XPO4: variants seen among roughly 807,000 people sequenced by gnomAD.
XPO4 encodes the protein exportin 4.
In XPO4, 39 loss-of-function variants were observed where a neutral mutation model predicts 143.0. That is an observed-to-expected ratio of 0.27 (90% CI 0.21 to 0.36). The LOEUF (loss-of-function observed/expected upper bound fraction) is 0.36. Ranked by LOEUF, XPO4 falls within the 10% of genes least tolerant of loss-of-function variation. XPO4 has a pLI of 1.00. For missense variants in XPO4, 907 were observed against 1,348.0 expected (o/e 0.67, Z 5.12); for synonymous variants, 439 against 474.0 (o/e 0.93, Z 0.96).
chr13:20,796,106 A>ACAG lies in XPO4; in HGVS notation c.2764_2766dup (p.Leu922dup). The stretch of plus-strand genomic sequence containing the variant: ...TCACTGAAATCTATGAATTCTTTTG[A>ACAG]CAGCAGGTTAGTAAGAAGTTCCATA... On this transcript the variant is annotated inframe_insertion, in exon 18 of 23. Coordinates refer to ENST00000255305, the MANE Select transcript of XPO4 (RefSeq NM_022459.5). 6.2e-7 allele frequency: 1 copy of ACAG among 1,613,350 alleles called. No individual in the cohort carries two copies. Among genetic ancestry groups the ACAG allele is most frequent in the Non-Finnish European group, 8.5e-7 (1 of 1,179,666 alleles).
intron 16 of XPO4, among the ~76,000 whole-genome samples, chr13:20,797,721 C>A (rs937919012): frequency 3.9e-5 from 6 of 152,140 alleles, no homozygotes; most frequent in African/African-American, 1.4e-4. Context: ...GGCTGGCAAC[C>A]TACACACACT....
At chr13:20,851,526 T>G (rs1030605076) in intron 4 of XPO4, 2 of 727,112 alleles carry the variant, frequency 2.8e-6, no homozygotes, top group Admixed American at 1.3e-4. Context: ...TTGGGCAACA[T>G]AGCAAAACCC....
At chr13:20,854,704 G>A (rs192661009) in intron 4 of XPO4, among the ~76,000 whole-genome samples, 23 of 152,208 alleles carry the variant, frequency 1.5e-4, no homozygotes, top group Non-Finnish European at 2.8e-4. Flanking sequence ...ATCATTAATA[G>A]CAACCGCAAC....
At chr13:20,800,110 C>T (rs1444509136) in intron 15 of XPO4, 46 bp downstream of exon 15, 3 of 1,596,972 alleles carry the variant, frequency 1.9e-6, no homozygotes, top group Non-Finnish European at 2.6e-6. Flanking sequence ...AAGAGTTTCT[C>T]ACCCACACAC....
intron 13 of XPO4, among the ~76,000 whole-genome samples, chr13:20,806,696 G>A (rs2059511670): frequency 6.6e-6 from 1 of 151,576 alleles, no homozygotes; most frequent in South Asian, 2.1e-4. Context: ...GGGACTACAG[G>A]CGTACACCAC....
At position 20,862,542 on chromosome 13, in the gene XPO4, G is replaced by A. The variant is rs139035081; in HGVS notation, c.317+175C>T. Among the ~76,000 whole-genome samples the A allele has an allele frequency of 6.3e-3, 951 of 152,032 alleles. 6 individuals are homozygous for A. The highest frequency in any genetic ancestry group is 9.3e-3 in the Non-Finnish European group (630 of 67,976). ...GGGGTCTCACTATGTTGCCCAGACTGATCTCAAACTCCTGGGCTCAAGGAG... is the reference window on the plus strand; with the variant it reads ...GGGGTCTCACTATGTTGCCCAGACTAATCTCAAACTCCTGGGCTCAAGGAG... On this transcript the variant is annotated intron_variant, in intron 3 of 22. Coordinates refer to ENST00000255305, the MANE Select transcript of XPO4 (RefSeq NM_022459.5).
intron 6 of XPO4, among the ~76,000 whole-genome samples, chr13:20,828,822 T>C (rs1164928903): frequency 2.0e-5 from 3 of 152,254 alleles, no homozygotes; most frequent in African/African-American, 7.2e-5. Flanking sequence ...GAGCTAACAA[T>C]ATAGAGTGAG....
intron 6 of XPO4, among the ~76,000 whole-genome samples, chr13:20,830,149 T>C (rs1009153923): frequency 6.6e-6 from 1 of 152,212 alleles, no homozygotes; most frequent in Non-Finnish European, 1.5e-5. Context: ...ACACTGTCCC[T>C]GATGCCCAAT....
At chr13:20,810,911 A>G (rs2059573963) in intron 9 of XPO4, among the ~76,000 whole-genome samples, 1 of 152,212 alleles carries the variant, frequency 6.6e-6, no homozygotes, top group Admixed American at 6.5e-5. Context: ...TTACACCAAA[A>G]CTACACCACT....
At chr13:20,886,588 G>A (rs2060463541) in intron 1 of XPO4, among the ~76,000 whole-genome samples, 1 of 151,942 alleles carries the variant, frequency 6.6e-6, no homozygotes, top group African/African-American at 2.4e-5. Context: ...ACACCAGCCT[G>A]GGCAACAGAA....
chr13:20,831,129 C>T (rs1263034648), intron 6 of XPO4, among the ~76,000 whole-genome samples: 1 of 151,884 alleles, frequency 6.6e-6, no homozygotes, highest in Non-Finnish European at 1.5e-5. Flanking sequence ...AAAAAAAATA[C>T]CATTTCTACC....
At position 20,799,329 on chromosome 13, in the gene XPO4, C is replaced by T. The variant is rs559737706; in HGVS notation, c.2158G>A (p.Val720Ile). 1.2e-6 allele frequency: 2 copies of T among 1,613,180 alleles called. No individual in the cohort carries two copies. Among genetic ancestry groups the T allele is most frequent in the South Asian group, 1.1e-5 (1 of 90,990 alleles). Residue 720 changes from valine (V) to isoleucine (I), a missense_variant, in exon 16 of 23, where the codon GTA becomes ATA. Coordinates refer to ENST00000255305, the MANE Select transcript of XPO4 (RefSeq NM_022459.5). ...TTCCACCAGTTCTCACATTGAATTA[C>T]TAAGTTTGCCCTACAGGTAGAAATA... Reference protein sequence around the residue: ...LVERRERANLVIQCENWWNLA... With the variant: ...LVERRERANLIIQCENWWNLA...
intron 1 of XPO4, among the ~76,000 whole-genome samples, chr13:20,880,749 G>A (rs1479988977): frequency 6.6e-6 from 1 of 152,080 alleles, no homozygotes; most frequent in Admixed American, 6.5e-5. Flanking sequence ...TTGAGTTCCG[G>A]GGTTCCAGAC....
intron 6 of XPO4, among the ~76,000 whole-genome samples, chr13:20,828,778 A>T (rs1469519227): frequency 2.0e-5 from 3 of 152,204 alleles, no homozygotes; most frequent in Non-Finnish European, 4.4e-5. Flanking sequence ...GCCCGAATTT[A>T]AAAAGGGGGA....
intron 1 of XPO4, among the ~76,000 whole-genome samples, chr13:20,871,243 TG>T (rs2060294884): frequency 6.6e-6 from 1 of 152,180 alleles, no homozygotes; most frequent in Non-Finnish European, 1.5e-5. Context: ...TGCAGGGGCA[TG>T]ATCTCAGCTC....
In XPO4 at chr13:20,803,008, A is replaced by G. The variant is rs1016770721; in HGVS notation, c.1818-2018T>C. Among the ~76,000 whole-genome samples the G allele has an allele frequency of 5.3e-5, 8 of 152,216 alleles. No homozygotes were observed. Among genetic ancestry groups the G allele is most frequent in the Non-Finnish European group, 1.2e-4 (8 of 68,036 alleles). On this transcript the variant is annotated intron_variant, in intron 13 of 22. Coordinates refer to ENST00000255305, the MANE Select transcript of XPO4 (RefSeq NM_022459.5). This position sits in a 1 kb window ranked among gnomAD's most constrained non-coding sequence, Gnocchi z 4.1. ...TTAGTACACGTATCTTTGAATGAAT[A>G]TTACCTATTGCCAGATGAGCAAGTG... is the stretch of plus-strand genomic sequence containing the variant.
At chr13:20,801,129 G>C (rs2059427144) in intron 13 of XPO4, 139 bp from the exon 14 acceptor site, 1 of 936,542 alleles carries the variant, frequency 1.1e-6, no homozygotes, top group Non-Finnish European at 1.6e-6. Context: ...TTCATCTACA[G>C]AGTTTTAGAC....
chr13:20,889,254 T>TA (rs2060490077), intron 1 of XPO4, among the ~76,000 whole-genome samples: 1 of 152,226 alleles, frequency 6.6e-6, no homozygotes, highest in Non-Finnish European at 1.5e-5. Context: ...AATTATCACA[T>TA]TGCAAAACAC....
At chr13:20,845,704 C>T (rs1056400310) in intron 4 of XPO4, among the ~76,000 whole-genome samples, 1 of 152,004 alleles carries the variant, frequency 6.6e-6, no homozygotes, top group East Asian at 1.9e-4. Flanking sequence ...GATTATAGTG[C>T]CAGCAATTAA....
Sources: allele counts gnomAD v4.1 joint callset (sites outside exome capture counted in the v4.1 genomes callset), GRCh38; gene constraint gnomAD v4.1.1; non-coding constraint Gnocchi (gnomAD v3.1); transcripts MANE v1.5; gene names NCBI Gene and HGNC (gene_info 2026-07-23, HGNC 2026-07-21).